Variants in ITPR1 observed in about 807,000 individuals in gnomAD.
ITPR1 encodes the protein inositol 1,4,5-trisphosphate receptor type 1.
Under a neutral mutation model 318.4 loss-of-function variants are expected in ITPR1, and 96 were observed. The observed-to-expected ratio is 0.30, with a 90% confidence interval of 0.26 to 0.36. ITPR1 has a LOEUF of 0.36. Ranked by LOEUF, ITPR1 falls within the 10% of genes least tolerant of loss-of-function variation. ITPR1 has a pLI of 1.00. For synonymous variants in ITPR1, 1,312 were observed against 1,289.9 expected (o/e 1.02, Z -0.37); for missense variants, 2,440 against 3,460.2 (o/e 0.71, Z 7.40).
chr3:4,527,643 C>T (rs1015375002), intron 4 of ITPR1, among the ~76,000 whole-genome samples: 1 of 152,158 alleles, frequency 6.6e-6, no homozygotes, highest in African/African-American at 2.4e-5. Flanking sequence ...ACCCCTGGTT[C>T]CTCAACATAT....
At chr3:4,795,587 C>T (rs986463364) in intron 53 of ITPR1, among the ~76,000 whole-genome samples, 7 of 152,174 alleles carry the variant, frequency 4.6e-5, no homozygotes, top group Non-Finnish European at 1.0e-4. Flanking sequence ...TATGTGTTTC[C>T]ACACCGCACT....
intron 4 of ITPR1, among the ~76,000 whole-genome samples, chr3:4,583,188 G>A (rs935539296): frequency 1.1e-4 from 17 of 152,206 alleles, no homozygotes; most frequent in African/African-American, 3.9e-4. Context: ...CTAAATAAAC[G>A]TTTAAATGGA....
chr3:4,761,297 T>A (rs889939923), intron 44 of ITPR1, among the ~76,000 whole-genome samples: 1 of 152,194 alleles, frequency 6.6e-6, no homozygotes, highest in African/African-American at 2.4e-5. Context: ...CTGTCTGTTG[T>A]TCCCCTCTTT....
intron 52 of ITPR1, among the ~76,000 whole-genome samples, chr3:4,789,245 G>A (rs1331900258): frequency 6.6e-6 from 1 of 152,160 alleles, no homozygotes; most frequent in African/African-American, 2.4e-5. Context: ...GTGTCTGACC[G>A]AGGGGCCAGG....
intron 37 of ITPR1, 24 bp downstream of exon 37, chr3:4,706,375 T>A (rs1374267071): frequency 6.3e-7 from 1 of 1,583,670 alleles, no homozygotes; most frequent in Non-Finnish European, 8.6e-7. Context: ...TTGAGAGAAG[T>A]GATGCTTAGC....
At chr3:4,549,401 C>T (rs1037654571) in intron 4 of ITPR1, among the ~76,000 whole-genome samples, 2 of 152,208 alleles carry the variant, frequency 1.3e-5, no homozygotes, top group African/African-American at 4.8e-5. Context: ...CTTCTAAAAT[C>T]CTGACAGCCT....
At chr3:4,567,888 G>A (rs887285813) in intron 4 of ITPR1, among the ~76,000 whole-genome samples, 4 of 152,196 alleles carry the variant, frequency 2.6e-5, no homozygotes, top group Admixed American at 6.5e-5. Context: ...ACAGGTGTGA[G>A]CCACCGTGCC....
At chr3:4,645,355 A>G in intron 8 of ITPR1, 32 bp from the exon 9 acceptor site, 1 of 1,443,784 alleles carries the variant, frequency 6.9e-7, no homozygotes, top group Middle Eastern at 1.8e-4. Context: ...TGTGAGGGGT[A>G]CGTGAAAAAA....
chr3:4,795,041 G>A lies in ITPR1; in HGVS notation c.6809-24G>A, dbSNP rs543012499. 361 of 1,584,596 alleles carry A rather than the reference G, an allele frequency of 2.3e-4. 1 individual carries two copies. The highest frequency in any genetic ancestry group is 2.8e-4 in the Non-Finnish European group (327 of 1,161,182). ...TCCGGCTTGGGGTCTCCAGCCTCAC[G>A]CGGCTTTGCCTTTGTCTCTGCAGCC... On this transcript the variant is annotated intron_variant, in intron 52 of 61. Transcript: ENST00000649015.
rs188762398 is a variant in ITPR1, at chr3:4,756,597, C to G, written c.5545-9933C>G. Among the ~76,000 whole-genome samples the G allele has an allele frequency of 1.9e-3, 287 of 152,248 alleles. 2 individuals carry two copies. Among genetic ancestry groups the G allele is most frequent in the Middle Eastern group, 6.8e-3 (2 of 294 alleles). ...ACGTGCAGTATTTGGTTTCCTGTTC[C>G]TGCATTCGTTTGCTGAGGATAATAG... On this transcript the variant is annotated intron_variant, in intron 44 of 61. Coordinates refer to ENST00000649015, the MANE Select transcript of ITPR1 (RefSeq NM_001378452.1).
At chr3:4,838,403 A>G (rs1185705125) in intron 61 of ITPR1, among the ~76,000 whole-genome samples, 8 of 151,054 alleles carry the variant, frequency 5.3e-5, no homozygotes, top group African/African-American at 1.9e-4. Flanking sequence ...TGGTGGCTAC[A>G]GCTGCTTCTG....
In ITPR1 at chr3:4,623,557, A is replaced by T. The variant is rs73106467; in HGVS notation, c.164-4206A>T. The stretch of plus-strand genomic sequence containing the variant: ...TGTGTTCTCCTTCCCCCAAATAAAT[A>T]TTAAATATATTCTTCTGGTTTTCCT... On this transcript the variant is annotated intron_variant, in intron 4 of 61. Transcript: ENST00000649015. 1.7e-3 allele frequency among the ~76,000 whole-genome samples: 255 copies of T among 152,314 alleles called. 1 individual carries two copies. Among genetic ancestry groups the T allele is most frequent in the African/African-American group, 5.8e-3 (241 of 41,556 alleles).
intron 33 of ITPR1, among the ~76,000 whole-genome samples, chr3:4,696,646 T>TA: frequency 6.6e-6 from 1 of 151,250 alleles, no homozygotes; most frequent in Non-Finnish European, 1.5e-5. Flanking sequence ...CCTTGCTTCC[T>TA]AATTGAAGTT....
At chr3:4,612,748 G>A (rs1024673981) in intron 4 of ITPR1, among the ~76,000 whole-genome samples, 17 of 152,090 alleles carry the variant, frequency 1.1e-4, no homozygotes, top group African/African-American at 3.1e-4. Context: ...TTAGCCAGGT[G>A]TGGTGGTGGG....
At chr3:4,637,007 C>T (rs1325367352) in intron 5 of ITPR1, among the ~76,000 whole-genome samples, 1 of 152,136 alleles carries the variant, frequency 6.6e-6, no homozygotes, top group Non-Finnish European at 1.5e-5. Context: ...AAACTGAAGC[C>T]ATTGGACATT....
intron 5 of ITPR1, 53 bp from the exon 6 acceptor site, chr3:4,639,331 G>C (rs960298873): frequency 8.3e-6 from 11 of 1,331,674 alleles, no homozygotes; most frequent in Non-Finnish European, 1.2e-5. Context: ...CACTGCAGTG[G>C]GATAGAACAC....
At chr3:4,690,154 G>A (rs1367342681) in intron 31 of ITPR1, among the ~76,000 whole-genome samples, 1 of 152,210 alleles carries the variant, frequency 6.6e-6, no homozygotes, top group Admixed American at 6.5e-5. Flanking sequence ...GTGAGCACCT[G>A]TAATTCAGCT....
chr3:4,680,088 C>T (rs950419604), intron 24 of ITPR1, among the ~76,000 whole-genome samples: 1 of 152,142 alleles, frequency 6.6e-6, no homozygotes, highest in African/African-American at 2.4e-5. Context: ...TGTACCCAAA[C>T]CAGGGGAAAC....
intron 54 of ITPR1, among the ~76,000 whole-genome samples, chr3:4,803,591 A>G (rs2048376191): frequency 6.6e-6 from 1 of 152,200 alleles, no homozygotes; most frequent in Non-Finnish European, 1.5e-5. Flanking sequence ...AGGGGAATGT[A>G]GGGATTGCCT....
Sources: allele counts gnomAD v4.1 joint callset (sites outside exome capture counted in the v4.1 genomes callset), GRCh38; gene constraint gnomAD v4.1.1; transcripts MANE v1.5; gene names NCBI Gene and HGNC (gene_info 2026-07-23, HGNC 2026-07-21).